SBF1: variants seen among roughly 807,000 people sequenced by gnomAD.
SBF1 encodes SET binding factor 1, also known as myotubularin-related protein 5.
In SBF1, 65 loss-of-function variants were observed where a neutral mutation model predicts 215.8. That is an observed-to-expected ratio of 0.30 (90% CI 0.25 to 0.37). The LOEUF is 0.37. SBF1 is among the 10% of genes least tolerant of loss of function. The probability of loss-of-function intolerance (pLI) is 1.00; values close to 1 mark genes in which losing one functional copy is unlikely to be tolerated. For synonymous variants in SBF1, 1,410 were observed against 1,122.8 expected (o/e 1.26, Z -5.11); for missense variants, 2,634 against 2,667.8 (o/e 0.99, Z 0.28).
intron 36 of SBF1, among the ~76,000 whole-genome samples, chr22:50,453,939 C>T (rs371597585): frequency 2.6e-5 from 4 of 152,102 alleles, no homozygotes; most frequent in Admixed American, 2.6e-4. Flanking sequence ...TAGCACCACG[C>T]GCAGGACACT....
At chr22:50,456,455 C>A in intron 30 of SBF1, 37 bp downstream of exon 30, 1 of 1,497,444 alleles carries the variant, frequency 6.7e-7, no homozygotes. Context: ...CCTGCCGAGC[C>A]CCCACCCTCA....
At chr22:50,457,163 C>T in intron 28 of SBF1, 52 bp from the exon 29 acceptor site, 1 of 1,398,340 alleles carries the variant, frequency 7.2e-7, no homozygotes, top group Non-Finnish European at 9.4e-7. Context: ...CCTGGGCGTG[C>T]CCAGCTTGGG....
At chr22:50,457,542 G>A (rs1353932140) in intron 28 of SBF1, among the ~76,000 whole-genome samples, 2 of 152,242 alleles carry the variant, frequency 1.3e-5, no homozygotes, top group African/African-American at 4.8e-5. Context: ...AGCAACAGGA[G>A]GTGCCCAAGA....
At chr22:50,458,220 G>A (rs1004426228) in intron 28 of SBF1, among the ~76,000 whole-genome samples, 1 of 151,758 alleles carries the variant, frequency 6.6e-6, no homozygotes, top group Non-Finnish European at 1.5e-5. Context: ...CAGGAGAATG[G>A]CGTGAACCTG....
intron 1 of SBF1, among the ~76,000 whole-genome samples, chr22:50,469,345 T>A (rs902971370): frequency 3.3e-5 from 5 of 152,212 alleles, no homozygotes; most frequent in African/African-American, 1.2e-4. Flanking sequence ...AAGAGGCCTA[T>A]GTCTCCCCAC....
At chr22:50,451,126 T>C (rs993258546) in intron 36 of SBF1, among the ~76,000 whole-genome samples, 1 of 134,124 alleles carries the variant, frequency 7.5e-6, no homozygotes, top group African/African-American at 3.0e-5. Flanking sequence ...GCCCAGGAGT[T>C]TGAGACCTGC....
rs747329275 is a variant in SBF1, at chr22:50,461,141, C to T, written c.2967+18G>A. The T allele has an allele frequency of 2.5e-6, 4 of 1,581,420 alleles. No homozygotes were observed. The highest frequency in any genetic ancestry group is 3.4e-6 in the Non-Finnish European group (4 of 1,161,418). On this transcript the variant is annotated intron_variant, in intron 23 of 40. Coordinates refer to ENST00000380817, the MANE Select transcript of SBF1 (RefSeq NM_002972.4). ...CCAGGGCGGGGGATGAGAGCCCCAC[C>T]CGCGCACCGCGCCCCACCTGGAATG...
At position 50,454,585 on chromosome 22, in the gene SBF1, C is replaced by T. The variant is rs769524951; in HGVS notation, c.4970G>A (p.Arg1657Lys). 9 of 1,611,598 alleles carry T rather than the reference C, an allele frequency of 5.6e-6. No homozygotes were observed. The highest frequency in any genetic ancestry group is 7.6e-6 in the Non-Finnish European group (9 of 1,179,484). The stretch of plus-strand genomic sequence containing the variant: ...GTAACAGGGCCACACCACGCGGCGC[C>T]TGCTCTGGGGAGCGCCTCCATCAGA... ...ERSDGGAPQSRRRVVWPCYDS... is the reference protein window; with the variant it reads ...ERSDGGAPQSKRRVVWPCYDS... The change falls in exon 36 of 41, where the codon AGG becomes AAG. Residue 1657 changes from arginine (R) to lysine (K), a missense_variant. Coordinates refer to ENST00000380817, the MANE Select transcript of SBF1 (RefSeq NM_002972.4).
chr22:50,455,442 C>G (rs987808120), intron 32 of SBF1, 33 bp from the exon 33 acceptor site: 2 of 1,612,360 alleles, frequency 1.2e-6, no homozygotes, highest in African/African-American at 2.7e-5. Context: ...AGCGAGGAGC[C>G]CGGGAGCCTG....
Position 50,465,332 on chromosome 22 carries a change from G to C in SBF1, c.1090-4C>G, listed in dbSNP as rs753682809. ...AGACCGCGCGCAGCTCCTTGTCCTG[G>C]GAGAAGAGCTGAGTGCAGGTGAGAG... On this transcript the variant is annotated splice_polypyrimidine_tract_variant and splice_region_variant and intron_variant, in intron 10 of 40. Transcript: ENST00000380817. 2 of 1,575,836 alleles carry C rather than the reference G, an allele frequency of 1.3e-6. No individual in the cohort carries two copies. The highest frequency in any genetic ancestry group is 1.7e-6 in the Non-Finnish European group (2 of 1,161,174).
chr22:50,460,749 G>GC (rs796197103), intron 23 of SBF1, 37 bp from the exon 24 acceptor site: 40 of 1,587,074 alleles, frequency 2.5e-5, no homozygotes, highest in African/African-American at 6.7e-5. Flanking sequence ...GGTGTGGGTG[G>GC]CCCCCCAGCC....
At chr22:50,474,326 G>C (rs9628190) in intron 1 of SBF1, among the ~76,000 whole-genome samples, 101,943 of 152,236 alleles carry the variant, frequency 0.67, 34,333 homozygotes, top group East Asian at 0.84. Context: ...GCTTCAGACG[G>C]AGCACCAAGG....
At chr22:50,474,349 T>C (rs1255386482) in intron 1 of SBF1, among the ~76,000 whole-genome samples, 2 of 152,168 alleles carry the variant, frequency 1.3e-5, no homozygotes, top group African/African-American at 4.8e-5. Flanking sequence ...AGAGGCGGGC[T>C]GGCGAGCCGC....
At chr22:50,461,375 C>T in intron 22 of SBF1, 89 bp from the exon 23 acceptor site, 1 of 1,521,630 alleles carries the variant, frequency 6.6e-7, no homozygotes, top group South Asian at 1.2e-5. Flanking sequence ...TGGGGAATCC[C>T]AAGTGGGTGG....
chr22:50,459,613 C>A lies in SBF1; in HGVS notation c.3545G>T (p.Arg1182Leu), dbSNP rs774358027. 6.2e-7 allele frequency: 1 copy of A among 1,609,540 alleles called. No individual in the cohort carries two copies. The highest frequency in any genetic ancestry group is 8.5e-7 in the Non-Finnish European group (1 of 1,178,808). Residue 1182 changes from arginine to leucine, a missense_variant, in exon 27 of 41, where the codon CGC (arginine) becomes CTC (leucine). Physicochemically the swap from Arg to Leu is moderately radical, Grantham distance 102 (BLOSUM62 -2). Coordinates refer to ENST00000380817, the MANE Select transcript of SBF1 (RefSeq NM_002972.4). The stretch of plus-strand genomic sequence containing the variant: ...GTTCTGGCGGTAGCAGCGGGACACG[C>A]GCTGCAGGGCGTTGTCCTGGACACT... ...PQSVQDNALQRVSRCYRQNRF... is the reference protein window; with the variant it reads ...PQSVQDNALQLVSRCYRQNRF...
intron 28 of SBF1, among the ~76,000 whole-genome samples, chr22:50,457,830 CTG>C (rs1170137443): frequency 6.6e-6 from 1 of 152,254 alleles, no homozygotes; most frequent in African/African-American, 2.4e-5. Flanking sequence ...GAGGGTGGGA[CTG>C]AGAGAGGCAA....
chr22:50,464,098 G>A (rs1427422829), intron 15 of SBF1, among the ~76,000 whole-genome samples: 1 of 152,224 alleles, frequency 6.6e-6, no homozygotes, highest in Non-Finnish European at 1.5e-5. Context: ...TTCTAAAAAT[G>A]GAAGTACATC....
In SBF1 at chr22:50,455,579, G is replaced by A. The variant is rs1405064373; in HGVS notation, c.4270C>T (p.His1424Tyr). 5.1e-6 allele frequency: 8 copies of A among 1,571,108 alleles called. No homozygotes were observed. The highest frequency in any genetic ancestry group is 1.9e-5 in the Admixed American group (1 of 53,354). Reference sequence around the variant, plus strand: ...AGCACAGACACCTGCAGCAGCTTGTGGATCTGCAGGGACAGGCGGCCTCAG... The same window carrying A: ...AGCACAGACACCTGCAGCAGCTTGTAGATCTGCAGGGACAGGCGGCCTCAG... ...LEDSEWLIQI[H>Y]KLLQVSVLVV... The change falls in exon 32 of 41, where the codon CAC (histidine) becomes TAC (tyrosine). Residue 1424 changes from histidine to tyrosine, a missense_variant. By Grantham distance (83) the His-to-Tyr change is moderately conservative. Coordinates refer to ENST00000380817, the MANE Select transcript of SBF1 (RefSeq NM_002972.4).
At position 50,460,846 on chromosome 22, in the gene SBF1, CTG is replaced by C. The variant is rs2067477882; in HGVS notation, c.2968-136_2968-135del. 5.5e-5 allele frequency: 56 copies of C among 1,024,552 alleles called. 4 individuals carry two copies. In the South Asian group the frequency reaches 8.4e-4, roughly 15 times the overall value. The allele number at this position is 1,024,552 out of a possible 1,614,324, so 63.5% of individuals were successfully genotyped here. On this transcript the variant is annotated intron_variant, in intron 23 of 40. Transcript: ENST00000380817. ...GCAGGCCCCAGGCAAAGGCCTGTAT[CTG>C]TGTCACACGAAGGCAAGCGCTTGTG... is the stretch of plus-strand genomic sequence containing the variant.
Sources: allele counts gnomAD v4.1 joint callset (sites outside exome capture counted in the v4.1 genomes callset), GRCh38; gene constraint gnomAD v4.1.1; transcripts MANE v1.5; gene names NCBI Gene and HGNC (gene_info 2026-07-23, HGNC 2026-07-21).